The following CHMP2B variants were observed in gnomAD, a reference collection of about 807,000 sequenced individuals.
CHMP2B encodes the protein VPS2 homolog B.
Under a neutral mutation model 29.8 loss-of-function variants are expected in CHMP2B, and 22 were observed. That is an observed-to-expected ratio of 0.74 (90% CI 0.53 to 1.05). CHMP2B has a LOEUF of 1.05. CHMP2B is among the 50% of genes least tolerant of loss of function. The probability of loss-of-function intolerance (pLI) is 0.00; values close to 1 mark genes in which losing one functional copy is unlikely to be tolerated. For missense variants in CHMP2B, 261 were observed against 252.2 expected (o/e 1.03, Z -0.24); for synonymous variants, 78 against 75.8 (o/e 1.03, Z -0.15).
At chr3:87,236,618 G>A (rs904119917) in intron 1 of CHMP2B, among the ~76,000 whole-genome samples, 2 of 152,124 alleles carry the variant, frequency 1.3e-5, no homozygotes, top group East Asian at 1.9e-4. Context: ...TTGGGAGGCC[G>A]AGGCGGTTGG....
chr3:87,245,346 T>C (rs924155074), intron 2 of CHMP2B, among the ~76,000 whole-genome samples: 10 of 152,086 alleles, frequency 6.6e-5, no homozygotes, highest in Non-Finnish European at 1.5e-4. Context: ...TTTAGATCTA[T>C]CACTTTGCCC....
intron 4 of CHMP2B, among the ~76,000 whole-genome samples, chr3:87,250,883 C>T (rs1486485521): frequency 6.6e-6 from 1 of 151,786 alleles, no homozygotes; most frequent in African/African-American, 2.4e-5. Flanking sequence ...TTTTATTTCA[C>T]CAATAATGAA....
At chr3:87,244,023 G>GTTTTT (rs747217550) in intron 2 of CHMP2B, among the ~76,000 whole-genome samples, 1 of 127,392 alleles carries the variant, frequency 7.8e-6, no homozygotes, top group African/African-American at 3.2e-5. Flanking sequence ...TTTGTTTTTT[G>GTTTTT]TTTTTTTTTT....
chr3:87,236,986 T>C (rs1389224680), intron 1 of CHMP2B, among the ~76,000 whole-genome samples: 2 of 152,162 alleles, frequency 1.3e-5, no homozygotes, highest in African/African-American at 2.4e-5. Flanking sequence ...AGTTTAAAAA[T>C]TAGAGCACAT....
At chr3:87,232,945 C>G (rs1290111985) in intron 1 of CHMP2B, among the ~76,000 whole-genome samples, 2 of 152,154 alleles carry the variant, frequency 1.3e-5, no homozygotes, top group East Asian at 3.8e-4. Context: ...CACATGAATT[C>G]CTCAGGGCTT....
At chr3:87,240,029 A>G (rs1002991182) in intron 1 of CHMP2B, among the ~76,000 whole-genome samples, 17 of 152,040 alleles carry the variant, frequency 1.1e-4, no homozygotes, top group African/African-American at 3.9e-4. Flanking sequence ...TGAATTTCAT[A>G]TAGTATTAGA....
At chr3:87,251,181 C>T (rs775205525) in intron 4 of CHMP2B, among the ~76,000 whole-genome samples, 1 of 151,658 alleles carries the variant, frequency 6.6e-6, no homozygotes. Flanking sequence ...TTTCAGTATA[C>T]CTATTTTTAT....
intron 1 of CHMP2B, among the ~76,000 whole-genome samples, chr3:87,236,393 A>G (rs992677539): frequency 6.6e-6 from 1 of 152,156 alleles, no homozygotes; most frequent in Non-Finnish European, 1.5e-5. Flanking sequence ...GACCACATTT[A>G]TATTTTTAAT....
chr3:87,227,643 C>A (rs1705837162), intron 1 of CHMP2B, 87 bp downstream of exon 1: 2 of 1,532,386 alleles, frequency 1.3e-6, no homozygotes, highest in African/African-American at 1.4e-5. Flanking sequence ...TGCCTACTGT[C>A]CCTGGAGGCG....
intron 1 of CHMP2B, among the ~76,000 whole-genome samples, chr3:87,238,518 A>T (rs376818911): frequency 1.4e-4 from 21 of 152,266 alleles, no homozygotes; most frequent in African/African-American, 5.1e-4. Flanking sequence ...TCTGTATGGA[A>T]TTACCTCTGA....
chr3:87,253,091 A>G (rs1289589280), intron 4 of CHMP2B: 1 of 275,874 alleles, frequency 3.6e-6, no homozygotes, highest in Non-Finnish European at 7.0e-6. Context: ...AATTTGTGAA[A>G]TAATATTTAA....
intron 2 of CHMP2B, among the ~76,000 whole-genome samples, chr3:87,244,720 G>A (rs1213570425): frequency 1.3e-5 from 2 of 151,866 alleles, no homozygotes; most frequent in Non-Finnish European, 2.9e-5. Flanking sequence ...ATTGAGCCCT[G>A]TTTTCTGATG....
intron 4 of CHMP2B, chr3:87,253,148 G>T: frequency 2.7e-6 from 1 of 367,306 alleles, no homozygotes. Flanking sequence ...TTGTCTATTA[G>T]AATTAATTTT....
At chr3:87,227,878 TGTTG>T (rs751723064) in intron 1 of CHMP2B, among the ~76,000 whole-genome samples, 7 of 152,146 alleles carry the variant, frequency 4.6e-5, no homozygotes, top group Non-Finnish European at 8.8e-5. Flanking sequence ...ATGGATTTCT[TGTTG>T]GTTTCCTCTG....
Position 87,253,475 on chromosome 3 carries a change from G to C in CHMP2B, c.496G>C (p.Val166Leu). The change falls in exon 5 of 6, where the codon GTT (valine) becomes CTT (leucine). Residue 166 changes from valine (V) to leucine (L), a missense_variant. Val to Leu is a conservative substitution (Grantham distance 32, BLOSUM62 1). Transcript: ENST00000263780. The part of the protein sequence containing the change: ...EEESQDIVNQ[V>L]LDEIGIEISG... ...AGAAAGCCAGGATATTGTGAATCAA[G>C]TTCTTGATGAAATTGGAATTGAAAT... is the stretch of plus-strand genomic sequence containing the variant. 6.2e-7 allele frequency: 1 copy of C among 1,611,524 alleles called. No homozygotes were observed. Among genetic ancestry groups the C allele is most frequent in the Non-Finnish European group, 8.5e-7 (1 of 1,177,928 alleles).
At chr3:87,228,610 AAAG>A (rs538093755) in intron 1 of CHMP2B, among the ~76,000 whole-genome samples, 15 of 152,354 alleles carry the variant, frequency 9.8e-5, no homozygotes, top group African/African-American at 3.4e-4. Context: ...GGAGGATAAC[AAAG>A]AAGTCATCTC....
At chr3:87,236,093 A>G (rs1270404377) in intron 1 of CHMP2B, among the ~76,000 whole-genome samples, 1 of 152,044 alleles carries the variant, frequency 6.6e-6, no homozygotes, top group Non-Finnish European at 1.5e-5. Flanking sequence ...CAGTGTGTTC[A>G]CCAATTGAGA....
At chr3:87,243,147 A>G (rs1007914226) in intron 2 of CHMP2B, among the ~76,000 whole-genome samples, 9 of 152,134 alleles carry the variant, frequency 5.9e-5, no homozygotes, top group African/African-American at 1.9e-4. Flanking sequence ...TAGATCTTCA[A>G]CTTTCCTCAG....
At chr3:87,236,235 C>T (rs1299581245) in intron 1 of CHMP2B, among the ~76,000 whole-genome samples, 1 of 152,094 alleles carries the variant, frequency 6.6e-6, no homozygotes, top group Non-Finnish European at 1.5e-5. Flanking sequence ...TGACTAACCT[C>T]ATCCTGAGGC....
Sources: gnomAD v4.1 joint callset for allele counts (sites outside exome capture counted in the v4.1 genomes callset) on GRCh38, gnomAD v4.1.1 for gene constraint, MANE v1.5 for transcripts, NCBI Gene and HGNC (gene_info 2026-07-23, HGNC 2026-07-21) for gene names.